Variants in MICU1 observed in about 807,000 individuals in gnomAD.
MICU1 encodes mitochondrial calcium uptake 1, also known as calcium uptake protein 1, mitochondrial.
MICU1 carries 45 observed loss-of-function variants against 56.8 expected under a neutral mutation model. The ratio of observed to expected loss-of-function variants is 0.79; its 90% CI spans 0.62 to 1.02. MICU1 has a LOEUF of 1.02. Among genes scored for constraint, MICU1 ranks in the 50% least tolerant of loss-of-function variants. The pLI is 0.00. For missense variants in MICU1, 504 were observed against 587.1 expected (o/e 0.86, Z 1.46); for synonymous variants, 186 against 195.1 (o/e 0.95, Z 0.39).
chr10:72,432,334 T>C (rs1030320468), intron 8 of MICU1, among the ~76,000 whole-genome samples: 1 of 152,178 alleles, frequency 6.6e-6, no homozygotes. Context: ...TTTCCTCTGT[T>C]GCCCAGGATG....
intron 1 of MICU1, among the ~76,000 whole-genome samples, chr10:72,587,601 C>A (rs1422722666): frequency 6.6e-6 from 1 of 151,922 alleles, no homozygotes; most frequent in African/African-American, 2.4e-5. Flanking sequence ...GAAACCCTGT[C>A]TCTACTAAAT....
At chr10:72,527,057 A>G (rs1309866461) in intron 5 of MICU1, among the ~76,000 whole-genome samples, 1 of 152,196 alleles carries the variant, frequency 6.6e-6, no homozygotes, top group African/African-American at 2.4e-5. Flanking sequence ...AGGTATTAAA[A>G]TGTATATATC....
chr10:72,496,002 T>C (rs1323015426), intron 6 of MICU1, among the ~76,000 whole-genome samples: 1 of 152,034 alleles, frequency 6.6e-6, no homozygotes, highest in African/African-American at 2.4e-5. Context: ...GGTCCTGCTC[T>C]GTCACCCAGG....
intron 5 of MICU1, among the ~76,000 whole-genome samples, chr10:72,529,245 T>TA (rs751408550): frequency 9.9e-5 from 15 of 152,144 alleles, no homozygotes; most frequent in Non-Finnish European, 1.5e-4. Context: ...GGACTGTAGT[T>TA]ACAAATAATG....
chr10:72,536,734 T>C (rs1374367452), intron 4 of MICU1, among the ~76,000 whole-genome samples: 1 of 152,198 alleles, frequency 6.6e-6, no homozygotes, highest in East Asian at 1.9e-4. Flanking sequence ...TATATCCAAA[T>C]AGTATCATTT....
intron 8 of MICU1, among the ~76,000 whole-genome samples, chr10:72,454,362 G>A (rs1413303691): frequency 6.6e-6 from 1 of 152,024 alleles, no homozygotes; most frequent in Admixed American, 6.5e-5. Context: ...GCTGAGGCAG[G>A]AGAATTGCTT....
chr10:72,421,100 T>C (rs946451170), intron 9 of MICU1, among the ~76,000 whole-genome samples: 9 of 150,728 alleles, frequency 6.0e-5, no homozygotes, highest in African/African-American at 2.2e-4. Flanking sequence ...GTCTTGAACT[T>C]TGATTCTCCT....
chr10:72,503,850 A>G (rs949661685), intron 6 of MICU1, among the ~76,000 whole-genome samples: 1 of 145,832 alleles, frequency 6.9e-6, no homozygotes, highest in African/African-American at 2.6e-5. Flanking sequence ...CAAGAACTCA[A>G]TTCCATTTAC....
At chr10:72,524,634 G>T in intron 5 of MICU1, 2 of 735,972 alleles carry the variant, frequency 2.7e-6, no homozygotes, top group South Asian at 7.0e-5. Context: ...AAGGGAGCAG[G>T]GCAAGGACAT....
intron 5 of MICU1, among the ~76,000 whole-genome samples, chr10:72,527,711 A>C (rs1007113005): frequency 6.6e-6 from 1 of 152,212 alleles, no homozygotes; most frequent in East Asian, 1.9e-4. Flanking sequence ...GGTTGTGTGC[A>C]CTAAATGAGT....
intron 6 of MICU1, among the ~76,000 whole-genome samples, chr10:72,480,003 T>C (rs1435110074): frequency 6.6e-6 from 1 of 152,192 alleles, no homozygotes; most frequent in East Asian, 1.9e-4. Flanking sequence ...CTGAAGGTTT[T>C]AAGTAGGAGA....
intron 1 of MICU1, among the ~76,000 whole-genome samples, chr10:72,609,533 G>C (rs1168900450): frequency 6.6e-6 from 1 of 152,060 alleles, no homozygotes; most frequent in Non-Finnish European, 1.5e-5. Context: ...AGGAGATCGA[G>C]ACCATCCTGG....
intron 8 of MICU1, among the ~76,000 whole-genome samples, chr10:72,441,551 T>A (rs546493347): frequency 0.018 from 2,262 of 126,994 alleles, 50 homozygotes; most frequent in African/African-American, 0.053. Flanking sequence ...TTAAATTATT[T>A]AAAAAAAAAA....
At chr10:72,418,832 C>A (rs1864067237) in intron 9 of MICU1, among the ~76,000 whole-genome samples, 1 of 152,234 alleles carries the variant, frequency 6.6e-6, no homozygotes, top group Non-Finnish European at 1.5e-5. Flanking sequence ...ACCTTAGGAG[C>A]AAAGGCCCTT....
intron 8 of MICU1, among the ~76,000 whole-genome samples, chr10:72,448,891 T>C (rs1865205543): frequency 6.6e-6 from 1 of 152,384 alleles, no homozygotes; most frequent in East Asian, 1.9e-4. Flanking sequence ...TGGTTAATTA[T>C]AAGTTTAGCT....
At chr10:72,405,612 T>C (rs1863604215) in intron 10 of MICU1, among the ~76,000 whole-genome samples, 1 of 151,012 alleles carries the variant, frequency 6.6e-6, no homozygotes, top group Admixed American at 6.6e-5. Context: ...TATCTGTCAA[T>C]ATTTAACAAA....
In MICU1 at chr10:72,477,172, G is replaced by C. The variant is rs1461396521; in HGVS notation, c.735+2C>G. The C allele has an allele frequency of 1.3e-6, 2 of 1,540,034 alleles. No individual in the cohort carries two copies. Among genetic ancestry groups the C allele is most frequent in the East Asian group, 2.4e-5 (1 of 40,954 alleles). On this transcript the variant is annotated splice_donor_variant, in intron 7 of 11. Coordinates refer to ENST00000361114, the MANE Select transcript of MICU1 (RefSeq NM_001195518.2). LOFTEE classifies it high-confidence loss of function. ...TTAGAGGAACTCTCCAGGACAACTTGCCTGTTCAAATTCTTCCATATCTAC... is the reference window on the plus strand; with the variant it reads ...TTAGAGGAACTCTCCAGGACAACTTCCCTGTTCAAATTCTTCCATATCTAC...
chr10:72,482,177 T>A (rs1589263710), intron 6 of MICU1, among the ~76,000 whole-genome samples: 1 of 152,336 alleles, frequency 6.6e-6, no homozygotes, highest in South Asian at 2.1e-4. Flanking sequence ...AGAAAATGCA[T>A]AAGGAATGGT....
At chr10:72,453,633 G>A (rs1276944949) in intron 8 of MICU1, among the ~76,000 whole-genome samples, 1 of 151,850 alleles carries the variant, frequency 6.6e-6, no homozygotes, top group Non-Finnish European at 1.5e-5. Flanking sequence ...AGGTTCAAGC[G>A]ATTCTCCTGC....
Sources: gnomAD v4.1 joint callset for allele counts (sites outside exome capture counted in the v4.1 genomes callset) on GRCh38, gnomAD v4.1.1 for gene constraint, MANE v1.5 for transcripts, NCBI Gene and HGNC (gene_info 2026-07-23, HGNC 2026-07-21) for gene names.